Variants in ARAP2 observed in about 807,000 individuals in gnomAD.
ARAP2 encodes the protein arf-GAP with Rho-GAP domain, ANK repeat and PH domain-containing protein 2.
A neutral mutation model predicts 194.5 loss-of-function variants in ARAP2; 148 were observed. The ratio of observed to expected loss-of-function variants is 0.76; its 90% confidence interval spans 0.67 to 0.87. The LOEUF (loss-of-function observed/expected upper bound fraction) is 0.87, where lower values mean the gene tolerates loss of function less well. Among genes scored for constraint, ARAP2 ranks in the 40% least tolerant of loss-of-function variants. The probability of loss-of-function intolerance (pLI) is 0.00; values close to 1 mark genes in which losing one functional copy is unlikely to be tolerated. For synonymous variants in ARAP2, 695 were observed against 683.5 expected, an observed-to-expected ratio of 1.02 and a Z score of -0.26; for missense variants, 2,128 against 1,989.7, an observed-to-expected ratio of 1.07 and a Z score of -1.32.
chr4:36,070,935 G>T lies in ARAP2; in HGVS notation c.4744-2657C>A, dbSNP rs555838185. 1.4e-4 allele frequency among the ~76,000 whole-genome samples: 22 copies of T among 152,208 alleles called. No individual in the cohort carries two copies. In the South Asian group the frequency reaches 4.1e-3, roughly 29 times the overall value. ...AGTTTGCATAAGTGAGAGCTTGGGAGGGGACCCCAGCTTGGCCTTTCTGAA... is the reference window on the plus strand; with the variant it reads ...AGTTTGCATAAGTGAGAGCTTGGGATGGGACCCCAGCTTGGCCTTTCTGAA... On this transcript the variant is annotated intron_variant, in intron 32 of 32. Coordinates refer to ENST00000303965, the MANE Select transcript of ARAP2 (RefSeq NM_015230.4).
In ARAP2 at chr4:36,229,460, C is replaced by T. The variant is rs752000840; in HGVS notation, c.27G>A (p.Val9=). 3 of 1,610,986 alleles carry T rather than the reference C, an allele frequency of 1.9e-6. No homozygotes were observed. The highest frequency in any genetic ancestry group is 2.2e-5 in the South Asian group (2 of 90,772). ...TGCTCATTAGGAAATCTTTTATATC[C>T]ACATTTACTTCACTGACTGAGGACA... MSSVSEVN[V]DIKDFLMSIN... is the part of the protein sequence containing the mutation. Residue 9 remains valine, a synonymous_variant, in exon 2 of 33, where the codon GTG becomes GTA. Coordinates refer to ENST00000303965, the MANE Select transcript of ARAP2 (RefSeq NM_015230.4).
intron 15 of ARAP2, 66 bp downstream of exon 15, chr4:36,158,664 C>T: frequency 7.4e-7 from 1 of 1,359,148 alleles, no homozygotes; most frequent in Non-Finnish European, 1.0e-6. Context: ...AAAATCTAAA[C>T]CTAATTGTTT....
At chr4:36,073,953 G>T in intron 31 of ARAP2, 130 bp from the exon 32 acceptor site, 1 of 1,200,990 alleles carries the variant, frequency 8.3e-7, no homozygotes, top group Non-Finnish European at 1.2e-6. Flanking sequence ...TTCCATTTGT[G>T]ATTATGATGT....
chr4:36,173,011 G>A (rs1737002766), intron 9 of ARAP2, among the ~76,000 whole-genome samples: 1 of 152,266 alleles, frequency 6.6e-6, no homozygotes, highest in South Asian at 2.1e-4. Context: ...GGGGGAATGA[G>A]GGAGGATGAG....
intron 6 of ARAP2, among the ~76,000 whole-genome samples, chr4:36,208,625 ACAATAG>A (rs1746079979): frequency 6.6e-6 from 1 of 152,234 alleles, no homozygotes; most frequent in Non-Finnish European, 1.5e-5. Flanking sequence ...TTAAACCCTC[ACAATAG>A]CCTACAGAGC....
At chr4:36,225,079 T>C (rs1242474212) in intron 2 of ARAP2, among the ~76,000 whole-genome samples, 1 of 152,134 alleles carries the variant, frequency 6.6e-6, no homozygotes, top group African/African-American at 2.4e-5. Flanking sequence ...AGACTTCAGG[T>C]TTAGATTTCA....
chr4:36,050,436 A>T (rs185984596), intron 3 of ARAP2, among the ~76,000 whole-genome samples: 215 of 152,328 alleles, frequency 1.4e-3, no homozygotes, highest in African/African-American at 4.7e-3. Context: ...ACAAAAACCT[A>T]GAAAAACGTA....
Position 36,214,431 on chromosome 4 carries a change from C to G in ARAP2, c.955G>C (p.Ala319Pro), listed in dbSNP as rs757757523. The G allele has an allele frequency of 2.5e-6, 4 of 1,594,434 alleles. No individual in the cohort carries two copies. The South Asian group carries it at 3.4e-5, about 14-fold the overall frequency. Reference protein sequence around the residue: ...NVATSTEKSVAWQNSNEENSS... With the variant: ...NVATSTEKSVPWQNSNEENSS... Reference sequence around the variant, plus strand: ...AAACACATAGACTCACTTTGCCATGCCACAGATTTTTCAGTTGAGGTAGCA... The same window carrying G: ...AAACACATAGACTCACTTTGCCATGGCACAGATTTTTCAGTTGAGGTAGCA... The change falls in exon 3 of 33, where the codon GCA becomes CCA. Residue 319 changes from alanine (A) to proline (P), a missense_variant. Coordinates refer to ENST00000303965, the MANE Select transcript of ARAP2 (RefSeq NM_015230.4).
Position 36,135,005 on chromosome 4 carries a change from G to A in ARAP2, c.3264-1616C>T, listed in dbSNP as rs932075504. Among the ~76,000 whole-genome samples, 4 of 151,736 alleles carry A rather than the reference G, an allele frequency of 2.6e-5. No homozygotes were observed. The Admixed American group carries it at 2.6e-4, about 10-fold the overall frequency. On this transcript the variant is annotated intron_variant, in intron 19 of 32. Coordinates refer to ENST00000303965, the MANE Select transcript of ARAP2 (RefSeq NM_015230.4). The stretch of plus-strand genomic sequence containing the variant: ...ACCTTTACACAGGCAAGCAAAGAAA[G>A]TATTTCAGTATCTCCGGTCATTAGC...
chr4:36,105,655 T>C (rs1469002206), intron 27 of ARAP2, among the ~76,000 whole-genome samples: 1 of 150,924 alleles, frequency 6.6e-6, no homozygotes, highest in African/African-American at 2.4e-5. Flanking sequence ...TACCCAGATA[T>C]GACTGCTCTA....
downstream of ARAP2, among the ~76,000 whole-genome samples, chr4:36,062,321 C>G (rs1054351654): frequency 1.4e-4 from 21 of 152,194 alleles, no homozygotes; most frequent in African/African-American, 5.1e-4. Context: ...TCTACCCCTT[C>G]AGTGCCTCCT....
chr4:36,140,175 C>CACACACACACACACACAT (rs1283506325), intron 19 of ARAP2, among the ~76,000 whole-genome samples: 2 of 150,300 alleles, frequency 1.3e-5, no homozygotes, highest in East Asian at 3.9e-4. Context: ...CACACACACA[C>CACACACACACACACACAT]ATCTTAGAGG....
chr4:36,108,724 G>C (rs16991935), intron 26 of ARAP2, among the ~76,000 whole-genome samples: 1 of 151,938 alleles, frequency 6.6e-6, no homozygotes, highest in Non-Finnish European at 1.5e-5. Context: ...TCACAGAAAA[G>C]TTTTTGATGA....
At position 36,160,476 on chromosome 4, in the gene ARAP2, T is replaced by C. The variant is rs1416150741; in HGVS notation, c.2425A>G (p.Lys809Glu). 6 of 1,557,226 alleles carry C rather than the reference T, an allele frequency of 3.9e-6. No homozygotes were observed. The highest frequency in any genetic ancestry group is 2.6e-6 in the Non-Finnish European group (3 of 1,158,202). The change falls in exon 13 of 33, where the codon AAA (lysine) becomes GAA (glutamate). Residue 809 changes from lysine (K) to glutamate (E), a missense_variant. By Grantham distance (56) the Lys-to-Glu change is moderately conservative. Transcript: ENST00000303965. ...FRKTLLASLT[K>E]EELNKALCAA... ...TTGAATACCTTATTTAATTCTTCTT[T>C]GGTGAGAGATGCCAAAAGAGTTTTT...
At chr4:36,212,536 G>C (rs369366918) in intron 4 of ARAP2, 49 bp from the exon 5 acceptor site, 2 of 1,394,404 alleles carry the variant, frequency 1.4e-6, no homozygotes, top group Non-Finnish European at 2.0e-6. Context: ...TTGCTTTTTG[G>C]TTTGGGGATT....
At chr4:36,201,878 C>CTT (rs1446826860) in intron 6 of ARAP2, among the ~76,000 whole-genome samples, 1 of 151,968 alleles carries the variant, frequency 6.6e-6, no homozygotes, top group Non-Finnish European at 1.5e-5. Context: ...TGATACCAAT[C>CTT]TAAGGTGTGA....
At chr4:36,088,785 G>T (rs1453340163) in intron 28 of ARAP2, among the ~76,000 whole-genome samples, 1 of 152,072 alleles carries the variant, frequency 6.6e-6, no homozygotes, top group African/African-American at 2.4e-5. Context: ...GAACAAGACA[G>T]CCACAGCTTT....
intron 25 of ARAP2, 80 bp from the exon 26 acceptor site, chr4:36,114,367 C>T (rs1289488627): frequency 2.4e-6 from 2 of 831,546 alleles, no homozygotes; most frequent in African/African-American, 1.8e-5. Flanking sequence ...TATTCCCCAT[C>T]CACCATTTAA....
chr4:36,146,119 G>T (rs1202534204), intron 19 of ARAP2, among the ~76,000 whole-genome samples: 2 of 151,872 alleles, frequency 1.3e-5, no homozygotes, highest in African/African-American at 4.8e-5. Flanking sequence ...TAATTGTTCA[G>T]GTCAAAAATT....
Sources: allele counts gnomAD v4.1 joint callset (sites outside exome capture counted in the v4.1 genomes callset), GRCh38; gene constraint gnomAD v4.1.1; transcripts MANE v1.5; gene names NCBI Gene and HGNC (gene_info 2026-07-23, HGNC 2026-07-21).